SAMD3: variants seen among roughly 807,000 people sequenced by gnomAD.
The protein encoded by SAMD3 is sterile alpha motif domain containing 3.
In SAMD3, 63 loss-of-function variants were observed where a neutral mutation model predicts 58.5. The observed-to-expected ratio is 1.08, with a 90% CI of 0.88 to 1.33. The LOEUF (loss-of-function observed/expected upper bound fraction) is 1.33, where lower values mean the gene tolerates loss of function less well. SAMD3 is among the 40% of genes most tolerant of loss of function. The pLI is 0.00. For synonymous variants in SAMD3, 220 were observed against 210.3 expected, an observed-to-expected ratio of 1.05 and a Z score of -0.40; for missense variants, 604 against 608.4, an observed-to-expected ratio of 0.99 and a Z score of 0.08.
At chr6:130,362,865 T>C (rs1382599348) in intron 1 of SAMD3, among the ~76,000 whole-genome samples, 1 of 152,190 alleles carries the variant, frequency 6.6e-6, no homozygotes, top group African/African-American at 2.4e-5. Context: ...TATTAGTCAA[T>C]TGCACATAAT....
At chr6:130,258,543 A>C (rs1562484743) in intron 2 of SAMD3, among the ~76,000 whole-genome samples, 1 of 152,190 alleles carries the variant, frequency 6.6e-6, no homozygotes, top group African/African-American at 2.4e-5. Flanking sequence ...GCACAATTTG[A>C]TAAGTTTTGA....
At chr6:130,269,153 G>A (rs1347885512) in intron 2 of SAMD3, among the ~76,000 whole-genome samples, 1 of 152,082 alleles carries the variant, frequency 6.6e-6, no homozygotes, top group Non-Finnish European at 1.5e-5. Context: ...TTTAGGTTGA[G>A]GTTCTTTTAT....
chr6:130,329,869 A>G (rs985854482), intron 1 of SAMD3, among the ~76,000 whole-genome samples: 4 of 150,448 alleles, frequency 2.7e-5, no homozygotes, highest in Non-Finnish European at 4.4e-5. Flanking sequence ...GAACAATGAG[A>G]ACACATGGAC....
At chr6:130,220,996 G>C (rs1165007073) in intron 1 of SAMD3, among the ~76,000 whole-genome samples, 13 of 152,092 alleles carry the variant, frequency 8.5e-5, no homozygotes, top group Admixed American at 8.5e-4. Flanking sequence ...TGGGACTACG[G>C]GTGCCCACCA....
chr6:130,238,019 A>G (rs916507763), intron 2 of SAMD3, among the ~76,000 whole-genome samples: 3 of 152,204 alleles, frequency 2.0e-5, no homozygotes, highest in African/African-American at 7.2e-5. Flanking sequence ...ATTAGAATTA[A>G]TTCTCAAAAT....
chr6:130,336,252 A>G (rs1777097742), intron 1 of SAMD3, among the ~76,000 whole-genome samples: 1 of 152,226 alleles, frequency 6.6e-6, no homozygotes, highest in East Asian at 1.9e-4. Context: ...AAAAACCCAC[A>G]TATGAGATAT....
At chr6:130,225,946 G>A (rs1386181086), upstream of SAMD3, among the ~76,000 whole-genome samples, 1 of 152,206 alleles carries the variant, frequency 6.6e-6, no homozygotes, top group Admixed American at 6.5e-5. Context: ...TGGCTCCATT[G>A]TCTTCTGATC....
At chr6:130,318,005 G>A (rs903544324) in intron 1 of SAMD3, among the ~76,000 whole-genome samples, 1 of 152,174 alleles carries the variant, frequency 6.6e-6, no homozygotes, top group African/African-American at 2.4e-5. Flanking sequence ...TGAAAACTAC[G>A]CAGACCTGTA....
At chr6:130,287,604 T>C (rs1451306694) in intron 2 of SAMD3, among the ~76,000 whole-genome samples, 1 of 152,138 alleles carries the variant, frequency 6.6e-6, no homozygotes, top group African/African-American at 2.4e-5. Flanking sequence ...GGGAGAGAAG[T>C]AAGCAAAGGG....
At chr6:130,293,949 G>A (rs1406157846) in intron 2 of SAMD3, among the ~76,000 whole-genome samples, 1 of 152,054 alleles carries the variant, frequency 6.6e-6, no homozygotes, top group East Asian at 1.9e-4. Context: ...TCTTAGCAGT[G>A]GGAGCAGAGC....
chr6:130,155,900 A>T (rs1789734825), intron 8 of SAMD3, among the ~76,000 whole-genome samples: 1 of 152,174 alleles, frequency 6.6e-6, no homozygotes. Context: ...AATTAAGAAG[A>T]AGTTCCTATA....
At chr6:130,258,313 CT>C (rs1263099375) in intron 2 of SAMD3, among the ~76,000 whole-genome samples, 3 of 152,110 alleles carry the variant, frequency 2.0e-5, no homozygotes, top group Non-Finnish European at 4.4e-5. Flanking sequence ...CATGGTAGCT[CT>C]TGCTTTTTTA....
chr6:130,218,447 C>T (rs1265389476), intron 1 of SAMD3, among the ~76,000 whole-genome samples: 2 of 152,138 alleles, frequency 1.3e-5, no homozygotes, highest in African/African-American at 2.4e-5. Flanking sequence ...TCCACTATGG[C>T]CTGATGATAT....
chr6:130,295,985 C>G (rs1433287473), intron 2 of SAMD3, among the ~76,000 whole-genome samples: 1 of 152,198 alleles, frequency 6.6e-6, no homozygotes, highest in East Asian at 1.9e-4. Context: ...TGCCTTGTCT[C>G]TTTCTCCTGC....
intron 1 of SAMD3, among the ~76,000 whole-genome samples, chr6:130,323,664 G>A (rs759459843): frequency 1.8e-4 from 28 of 151,946 alleles, no homozygotes; most frequent in African/African-American, 6.3e-4. Context: ...TTATCTGGGC[G>A]TGGTGGCATG....
intron 5 of SAMD3, among the ~76,000 whole-genome samples, chr6:130,189,658 A>G (rs1793350463): frequency 6.6e-6 from 1 of 152,138 alleles, no homozygotes; most frequent in Non-Finnish European, 1.5e-5. Context: ...ATGCTACTAC[A>G]CTAATCCAAG....
chr6:130,228,569 T>A (rs1796451333), intron 2 of SAMD3, among the ~76,000 whole-genome samples: 1 of 152,162 alleles, frequency 6.6e-6, no homozygotes, highest in Non-Finnish European at 1.5e-5. Context: ...GGGTCATAGG[T>A]ATTTTTTAAA....
intron 2 of SAMD3, among the ~76,000 whole-genome samples, chr6:130,240,109 G>A (rs1773304136): frequency 6.6e-6 from 1 of 152,164 alleles, no homozygotes; most frequent in Non-Finnish European, 1.5e-5. Context: ...CACAGCGCCT[G>A]GTATTATGAT....
intron 1 of SAMD3, among the ~76,000 whole-genome samples, chr6:130,343,856 T>G (rs1302115753): frequency 1.3e-5 from 2 of 152,032 alleles, no homozygotes; most frequent in African/African-American, 4.8e-5. Flanking sequence ...TCCCAGCTAC[T>G]TGGGAGGCCG....
Sources: gnomAD v4.1 joint callset for allele counts (sites outside exome capture counted in the v4.1 genomes callset) on GRCh38, gnomAD v4.1.1 for gene constraint, MANE v1.5 for transcripts, NCBI Gene and HGNC (gene_info 2026-07-23, HGNC 2026-07-21) for gene names.